Variants in COBL observed in about 807,000 individuals in gnomAD.
COBL encodes protein cordon-bleu.
Under a neutral mutation model 98.8 loss-of-function variants are expected in COBL, and 51 were observed. The ratio of observed to expected loss-of-function variants is 0.52; its 90% CI spans 0.41 to 0.65. The LOEUF is 0.65. Ranked by LOEUF, COBL falls within the 30% of genes least tolerant of loss-of-function variation. COBL has a pLI of 0.00. For synonymous variants in COBL, 634 were observed against 651.7 expected (o/e 0.97, Z 0.41); for missense variants, 1,617 against 1,617.5 (o/e 1.00, Z 0.01).
intron 1 of COBL, among the ~76,000 whole-genome samples, chr7:51,246,649 A>G (rs1185056857): frequency 6.6e-6 from 1 of 152,228 alleles, no homozygotes; most frequent in Non-Finnish European, 1.5e-5. Context: ...AATAAAATGC[A>G]GAAACGCTGA....
chr7:51,175,017 C>T (rs998555435), intron 5 of COBL, among the ~76,000 whole-genome samples: 15 of 152,164 alleles, frequency 9.9e-5, no homozygotes, highest in African/African-American at 3.1e-4. Context: ...CAGAGGATCC[C>T]GGGGTGCAAA....
At chr7:51,296,299 A>T (rs192885021) in intron 1 of COBL, among the ~76,000 whole-genome samples, 1 of 152,360 alleles carries the variant, frequency 6.6e-6, no homozygotes, top group Admixed American at 6.5e-5. Context: ...AGAAAAATGG[A>T]TCATTTCATA....
chr7:51,273,968 T>A (rs756107265), intron 1 of COBL, among the ~76,000 whole-genome samples: 2 of 152,110 alleles, frequency 1.3e-5, no homozygotes, highest in Non-Finnish European at 2.9e-5. Context: ...CCCTCACCCA[T>A]CAAATGCGAT....
intron 3 of COBL, among the ~76,000 whole-genome samples, chr7:51,191,355 A>G (rs1419905490): frequency 6.6e-6 from 1 of 152,100 alleles, no homozygotes; most frequent in African/African-American, 2.4e-5. Context: ...AATCCAACAC[A>G]TATACTTTAC....
chr7:51,198,893 A>T (rs1333534733), intron 2 of COBL, among the ~76,000 whole-genome samples: 1 of 152,220 alleles, frequency 6.6e-6, no homozygotes, highest in African/African-American at 2.4e-5. Context: ...AAACCCTGGT[A>T]GAGCCCCAGA....
At chr7:51,218,096 C>G (rs1793269103) in intron 2 of COBL, among the ~76,000 whole-genome samples, 1 of 152,250 alleles carries the variant, frequency 6.6e-6, no homozygotes, top group South Asian at 2.1e-4. Flanking sequence ...GCTGGCCTCA[C>G]CTGGTGCAGC....
chr7:51,138,822 G>A (rs1182357167), intron 5 of COBL, among the ~76,000 whole-genome samples: 1 of 152,180 alleles, frequency 6.6e-6, no homozygotes. Context: ...GAAACACGAT[G>A]TCCATGGCAG....
chr7:51,068,580 T>A (rs1792204074), intron 7 of COBL, among the ~76,000 whole-genome samples: 1 of 152,218 alleles, frequency 6.6e-6, no homozygotes, highest in African/African-American at 2.4e-5. Flanking sequence ...CATACGCAGA[T>A]TAAAAATGAT....
intron 5 of COBL, among the ~76,000 whole-genome samples, chr7:51,171,836 C>T (rs1009380352): frequency 2.6e-5 from 4 of 152,114 alleles, no homozygotes; most frequent in African/African-American, 9.7e-5. Flanking sequence ...TACATGGGGA[C>T]TGACCTGGAA....
chr7:51,224,217 T>G (rs1250244114), intron 1 of COBL, among the ~76,000 whole-genome samples: 3 of 152,210 alleles, frequency 2.0e-5, no homozygotes, highest in Non-Finnish European at 2.9e-5. Flanking sequence ...AAGGATACAT[T>G]TCTCAGAGTG....
intron 1 of COBL, among the ~76,000 whole-genome samples, chr7:51,298,891 C>T (rs551746947): frequency 4.7e-4 from 71 of 152,274 alleles, no homozygotes; most frequent in African/African-American, 1.6e-3. Context: ...TCCACTTGTC[C>T]GAGCACATAA....
rs538426773 is a variant in COBL at position 51,103,889 on chromosome 7, G to C, written c.958-18585C>G. On this transcript the variant is annotated intron_variant, in intron 6 of 12. Transcript: ENST00000265136. ...CTCAAATCAGAGGGGTGCCCTTCCC[G>C]ACAGGCCTGCCCGCACCTGGCCTCG... 2.4e-4 allele frequency among the ~76,000 whole-genome samples: 36 copies of C among 152,314 alleles called. 1 individual carries two copies. Among genetic ancestry groups the C allele is most frequent in the African/African-American group, 7.7e-4 (32 of 41,578 alleles).
At chr7:51,268,674 A>G (rs1798446563) in intron 1 of COBL, among the ~76,000 whole-genome samples, 1 of 152,070 alleles carries the variant, frequency 6.6e-6, no homozygotes, top group Admixed American at 6.6e-5. Flanking sequence ...GCTCATGCCC[A>G]TAACCCCAGC....
chr7:51,125,539 G>A (rs73334820), intron 6 of COBL, among the ~76,000 whole-genome samples: 4,037 of 152,246 alleles, frequency 0.027, 188 homozygotes, highest in African/African-American at 0.093. Context: ...TACTCCTCCA[G>A]ACTATGTTTT....
At position 51,085,045 on chromosome 7, in the gene COBL, T is replaced by G. The variant is rs1284393322; in HGVS notation, c.1096+121A>C. The G allele has an allele frequency of 5.8e-6, 8 of 1,378,876 alleles. No homozygotes were observed. The African/African-American group carries it at 1.0e-4, about 17-fold the overall frequency. 85.4% of individuals were successfully genotyped at this position (1,378,876 alleles called of 1,614,324 possible). A position where few individuals can be genotyped will look rare whatever the true frequency, so the allele number is the denominator to read the frequency against. ...CTTTCCAGCCCTTCTTTCTTTAGCA[T>G]TAATATTTTTTGGGTTAATGTCATT... On this transcript the variant is annotated intron_variant, in intron 7 of 12. Coordinates refer to ENST00000265136, the MANE Select transcript of COBL (RefSeq NM_015198.5).
chr7:51,194,007 A>C (rs570841976), intron 2 of COBL, among the ~76,000 whole-genome samples: 6 of 152,256 alleles, frequency 3.9e-5, no homozygotes, highest in African/African-American at 1.4e-4. Context: ...TACACAGCTA[A>C]ACTTGTGTCA....
intron 6 of COBL, among the ~76,000 whole-genome samples, chr7:51,089,472 G>GC (rs1469536084): frequency 6.6e-6 from 1 of 151,960 alleles, no homozygotes; most frequent in African/African-American, 2.4e-5. Context: ...CCGAGATCAT[G>GC]CCAGTGCACT....
chr7:51,029,698 T>C, intron 9 of COBL, 107 bp from the exon 10 acceptor site: 1 of 887,190 alleles, frequency 1.1e-6, no homozygotes, highest in Non-Finnish European at 1.7e-6. Context: ...AATACATTAT[T>C]TATATACGTT....
chr7:51,070,501 TATG>T (rs755159993), intron 7 of COBL, among the ~76,000 whole-genome samples: 4 of 152,072 alleles, frequency 2.6e-5, no homozygotes, highest in Admixed American at 6.6e-5. Context: ...TGTAATTGGT[TATG>T]ATGACTCAAG....
Sources: allele counts gnomAD v4.1 joint callset (sites outside exome capture counted in the v4.1 genomes callset), GRCh38; gene constraint gnomAD v4.1.1; transcripts MANE v1.5; gene names NCBI Gene and HGNC (gene_info 2026-07-23, HGNC 2026-07-21).